Variants in STPG2 observed in about 807,000 individuals in gnomAD.
STPG2 encodes the protein sperm-tail PG-rich repeat-containing protein 2.
Under a neutral mutation model 54.2 loss-of-function variants are expected in STPG2, and 56 were observed. That is an observed-to-expected ratio of 1.03 (90% confidence interval 0.83 to 1.29). STPG2 has a LOEUF of 1.29. STPG2 is among the 50% of genes most tolerant of loss of function. STPG2 has a pLI of 0.00. For missense variants in STPG2, 596 were observed against 544.9 expected (o/e 1.09, Z -0.93); for synonymous variants, 200 against 181.8 (o/e 1.10, Z -0.81).
intron 5 of STPG2, among the ~76,000 whole-genome samples, chr4:98,035,079 A>G (rs1279608509): frequency 6.6e-6 from 1 of 152,236 alleles, no homozygotes; most frequent in East Asian, 1.9e-4. Context: ...AATGGCAACA[A>G]AATCCAAAAT....
chr4:97,914,087 T>C (rs1216266158), intron 8 of STPG2, among the ~76,000 whole-genome samples: 1 of 152,162 alleles, frequency 6.6e-6, no homozygotes, highest in Admixed American at 6.5e-5. Context: ...ATCAAACCTT[T>C]GAAATGATTT....
chr4:98,132,248 G>A (rs1740015119), intron 2 of STPG2, among the ~76,000 whole-genome samples: 1 of 151,580 alleles, frequency 6.6e-6, no homozygotes, highest in South Asian at 2.1e-4. Context: ...AGATTTGCTA[G>A]GAGCAAAAAA....
chr4:98,031,318 A>T (rs1736589814), intron 5 of STPG2, among the ~76,000 whole-genome samples: 2 of 152,156 alleles, frequency 1.3e-5, no homozygotes, highest in South Asian at 4.1e-4. Context: ...CATTGGAGGA[A>T]CCCTTCTAGA....
intron 8 of STPG2, among the ~76,000 whole-genome samples, chr4:97,909,545 A>G (rs1731597468): frequency 6.6e-6 from 1 of 152,166 alleles, no homozygotes; most frequent in Admixed American, 6.5e-5. Flanking sequence ...CAAAAATAGA[A>G]ACAAAAGTCC....
intron 8 of STPG2, among the ~76,000 whole-genome samples, chr4:97,941,801 A>G (rs1350663537): frequency 1.3e-5 from 2 of 152,120 alleles, no homozygotes; most frequent in East Asian, 1.9e-4. Context: ...TGGATTTTTC[A>G]TTACATACAC....
At chr4:97,573,372 CCAATTCTGG>C (rs1732646793) in intron 10 of STPG2, among the ~76,000 whole-genome samples, 1 of 151,932 alleles carries the variant, frequency 6.6e-6, no homozygotes, top group African/African-American at 2.4e-5. Flanking sequence ...AAGTAACAGA[CCAATTCTGG>C]CAATTCTGTC....
intron 8 of STPG2, among the ~76,000 whole-genome samples, chr4:97,911,447 G>C (rs1315231942): frequency 6.6e-6 from 1 of 152,060 alleles, no homozygotes; most frequent in Non-Finnish European, 1.5e-5. Flanking sequence ...CCAAGTTCCC[G>C]GGGGGCAGGG....
chr4:97,736,744 G>GGCCT (rs1725012974), intron 9 of STPG2, among the ~76,000 whole-genome samples: 1 of 152,170 alleles, frequency 6.6e-6, no homozygotes. Context: ...AGCTCAAGGA[G>GGCCT]GCCTGCCTGC....
chr4:97,580,859 A>G (rs549712689), intron 10 of STPG2, among the ~76,000 whole-genome samples: 2 of 152,186 alleles, frequency 1.3e-5, no homozygotes, highest in East Asian at 3.9e-4. Flanking sequence ...ATGGAGATAC[A>G]GGTATTTCAA....
At chr4:97,786,141 T>C (rs1031564485) in intron 9 of STPG2, among the ~76,000 whole-genome samples, 1 of 151,976 alleles carries the variant, frequency 6.6e-6, no homozygotes, top group Non-Finnish European at 1.5e-5. Context: ...AAAAGTTTCC[T>C]TGTGTCACTT....
intron 5 of STPG2, 119 bp downstream of exon 5, chr4:98,105,834 C>T: frequency 2.4e-6 from 2 of 849,452 alleles, no homozygotes; most frequent in Non-Finnish European, 3.5e-6. Context: ...CTACAATATT[C>T]ATTGAATGAC....
At chr4:97,556,331 T>C (rs1246879846), downstream of STPG2, among the ~76,000 whole-genome samples, 1 of 152,190 alleles carries the variant, frequency 6.6e-6, no homozygotes, top group Admixed American at 6.5e-5. Context: ...GAATGAGCCA[T>C]CTTCCTAATC....
At chr4:97,717,472 C>G (rs1724325949) in intron 9 of STPG2, among the ~76,000 whole-genome samples, 1 of 152,128 alleles carries the variant, frequency 6.6e-6, no homozygotes, top group Non-Finnish European at 1.5e-5. Context: ...GTTCCTAGCA[C>G]TGATTAAGCT....
intron 8 of STPG2, among the ~76,000 whole-genome samples, chr4:97,848,324 T>A (rs1729032000): frequency 6.6e-6 from 1 of 152,200 alleles, no homozygotes; most frequent in Non-Finnish European, 1.5e-5. Context: ...ATTTGAAATT[T>A]ACTACTTTGC....
At chr4:98,027,812 C>G (rs2149297464) in intron 5 of STPG2, among the ~76,000 whole-genome samples, 1 of 152,296 alleles carries the variant, frequency 6.6e-6, no homozygotes, top group East Asian at 1.9e-4. Context: ...GCATTGCTTT[C>G]AGCATAAGTA....
chr4:97,846,728 G>T (rs2149126749), intron 8 of STPG2, among the ~76,000 whole-genome samples: 1 of 151,900 alleles, frequency 6.6e-6, no homozygotes, highest in African/African-American at 2.4e-5. Flanking sequence ...AACTCTTACT[G>T]GAGAGAAGGG....
chr4:97,529,515 GT>G (rs1731365841), intron 4 of STPG2, among the ~76,000 whole-genome samples: 2 of 151,942 alleles, frequency 1.3e-5, no homozygotes, highest in African/African-American at 4.8e-5. Flanking sequence ...TTAGGGAGGA[GT>G]CCCTCTTTTT....
At chr4:97,745,244 T>TAAAAAAAAA (rs747883049) in intron 9 of STPG2, among the ~76,000 whole-genome samples, 1 of 141,672 alleles carries the variant, frequency 7.1e-6, no homozygotes, top group African/African-American at 2.6e-5. Context: ...GGCATAAAAC[T>TAAAAAAAAA]AAAAAAAAAA....
At chr4:98,048,050 G>T (rs1578811575) in intron 5 of STPG2, among the ~76,000 whole-genome samples, 1 of 152,060 alleles carries the variant, frequency 6.6e-6, no homozygotes, top group South Asian at 2.1e-4. Flanking sequence ...CTATACAAGT[G>T]ACTACCAACC....
Sources: allele counts gnomAD v4.1 joint callset (sites outside exome capture counted in the v4.1 genomes callset), GRCh38; gene constraint gnomAD v4.1.1; transcripts MANE v1.5; gene names NCBI Gene and HGNC (gene_info 2026-07-23, HGNC 2026-07-21).